PTPRD: variants seen among roughly 807,000 people sequenced by gnomAD.
PTPRD encodes protein tyrosine phosphatase receptor type D.
Under a neutral mutation model 214.5 loss-of-function variants are expected in PTPRD, and 34 were observed. The observed-to-expected ratio is 0.16, with a 90% confidence interval of 0.12 to 0.21. The LOEUF is 0.21. Among genes scored for constraint, PTPRD ranks in the 10% least tolerant of loss-of-function variants. PTPRD has a pLI of 1.00. For synonymous variants in PTPRD, 1,128 were observed against 845.7 expected (o/e 1.33, Z -5.79); for missense variants, 2,545 against 2,398.7 (o/e 1.06, Z -1.27).
At chr9:9,275,062 T>TAACC (rs1944479072) in intron 9 of PTPRD, among the ~76,000 whole-genome samples, 1 of 66,468 alleles carries the variant, frequency 1.5e-5, no homozygotes, top group African/African-American at 6.0e-5. Context: ...TATGTATATA[T>TAACC]ATATTATATA....
intron 8 of PTPRD, among the ~76,000 whole-genome samples, chr9:9,515,545 G>A (rs918347122): frequency 6.6e-6 from 1 of 151,438 alleles, no homozygotes; most frequent in African/African-American, 2.4e-5. Context: ...TGGTGGAGAT[G>A]GAAAAATTGT....
At chr9:10,024,726 C>T (rs1026361685) in intron 4 of PTPRD, among the ~76,000 whole-genome samples, 4 of 150,008 alleles carry the variant, frequency 2.7e-5, no homozygotes, top group African/African-American at 9.8e-5. Flanking sequence ...GTGTGCTGCA[C>T]CCATTAACTC....
intron 11 of PTPRD, among the ~76,000 whole-genome samples, chr9:8,906,330 A>C (rs550718421): frequency 6.6e-6 from 1 of 152,246 alleles, no homozygotes; most frequent in African/African-American, 2.4e-5. Context: ...ATTCTTTTAC[A>C]ATTAGTTTGA....
intron 11 of PTPRD, among the ~76,000 whole-genome samples, chr9:8,795,826 G>A (rs1001156448): frequency 6.6e-6 from 1 of 152,070 alleles, no homozygotes; most frequent in Non-Finnish European, 1.5e-5. Flanking sequence ...ATAAGATCTA[G>A]AGGAGAAGAT....
chr9:8,418,219 C>CTTTT lies in PTPRD; in HGVS notation c.4087-13563_4087-13560dup, dbSNP rs370640821. The stretch of plus-strand genomic sequence containing the variant: ...CTTGCTTGGAGAGCACTTTCTTATC[C>CTTTT]TTTTCTTTTTTTTTTGCTTCTAAAT... On this transcript the variant is annotated intron_variant, in intron 35 of 45. Transcript: ENST00000381196. Among the ~76,000 whole-genome samples, 416 of 150,172 alleles carry CTTTT rather than the reference C, an allele frequency of 2.8e-3. 1 individual carries two copies. The highest frequency in any genetic ancestry group is 9.5e-3 in the African/African-American group (388 of 40,932).
intron 11 of PTPRD, among the ~76,000 whole-genome samples, chr9:8,850,005 T>A (rs2097780830): frequency 6.6e-6 from 1 of 151,718 alleles, no homozygotes; most frequent in South Asian, 2.1e-4. Context: ...AGGAGGAGAA[T>A]CTACAAAATT....
At chr9:10,419,487 T>C (rs960145924) in intron 2 of PTPRD, among the ~76,000 whole-genome samples, 3 of 151,860 alleles carry the variant, frequency 2.0e-5, no homozygotes, top group Admixed American at 6.6e-5. Context: ...GAGATAAAGA[T>C]AAAACAGCAA....
rs1006396716 is a variant in PTPRD, at chr9:10,093,922, C to T, written c.-544-60132G>A. ...AATATAAAGATAGGAACAGTAGACACGGGGGACTACTAGAGCAGGGAGAGA... is the reference window on the plus strand; with the variant it reads ...AATATAAAGATAGGAACAGTAGACATGGGGGACTACTAGAGCAGGGAGAGA... On this transcript the variant is annotated intron_variant, in intron 3 of 45. Coordinates refer to ENST00000381196, the MANE Select transcript of PTPRD (RefSeq NM_002839.4). Among the ~76,000 whole-genome samples the T allele has an allele frequency of 4.6e-5, 7 of 151,306 alleles. No homozygotes were observed. The South Asian group carries it at 6.2e-4, about 13-fold the overall frequency.
At chr9:8,496,344 C>A (rs185448554) in intron 26 of PTPRD, among the ~76,000 whole-genome samples, 1 of 152,054 alleles carries the variant, frequency 6.6e-6, no homozygotes, top group South Asian at 2.1e-4. Flanking sequence ...TGACACTGTC[C>A]ACTAATTTAC....
intron 35 of PTPRD, among the ~76,000 whole-genome samples, chr9:8,435,243 C>A (rs1279787338): frequency 6.6e-6 from 1 of 152,112 alleles, no homozygotes; most frequent in African/African-American, 2.4e-5. Flanking sequence ...ATGCCACAGG[C>A]CTCACTGCTC....
At chr9:10,192,445 GAAAAAAAAAAAA>G (rs552289562) in intron 3 of PTPRD, among the ~76,000 whole-genome samples, 3 of 72,660 alleles carry the variant, frequency 4.1e-5, no homozygotes, top group South Asian at 1.2e-3. Flanking sequence ...CACGATCCAG[GAAAAAAAAAAAA>G]AAAAAAAAAA....
chr9:8,841,293 C>T (rs2097552589), intron 11 of PTPRD, among the ~76,000 whole-genome samples: 1 of 152,204 alleles, frequency 6.6e-6, no homozygotes, highest in Non-Finnish European at 1.5e-5. Flanking sequence ...TGTGGATTAA[C>T]AGGTTCAAAG....
intron 3 of PTPRD, among the ~76,000 whole-genome samples, chr9:10,095,964 G>T (rs955991102): frequency 1.3e-5 from 2 of 151,468 alleles, no homozygotes; most frequent in African/African-American, 4.8e-5. Context: ...TGACATTGCT[G>T]GGGTGAACTC....
intron 12 of PTPRD, among the ~76,000 whole-genome samples, chr9:8,651,399 T>C (rs980899614): frequency 3.3e-5 from 5 of 152,176 alleles, no homozygotes; most frequent in African/African-American, 7.2e-5. Context: ...GAACTAACTC[T>C]GTCCACACAG....
chr9:9,786,957 G>A (rs1284684410), intron 5 of PTPRD, among the ~76,000 whole-genome samples: 2 of 151,970 alleles, frequency 1.3e-5, no homozygotes, highest in African/African-American at 4.8e-5. Context: ...CCAAAAGGGC[G>A]AAACCCCATC....
chr9:10,439,695 C>A (rs1328878585), intron 2 of PTPRD, among the ~76,000 whole-genome samples: 1 of 151,696 alleles, frequency 6.6e-6, no homozygotes, highest in African/African-American at 2.4e-5. Flanking sequence ...AAGAAAGACA[C>A]AGACTGTTTG....
intron 10 of PTPRD, among the ~76,000 whole-genome samples, chr9:9,171,700 A>C (rs546445538): frequency 6.6e-6 from 1 of 152,042 alleles, no homozygotes; most frequent in Admixed American, 6.6e-5. Flanking sequence ...CTACTCTTCT[A>C]TAAGTGGCAC....
chr9:10,494,799 C>T (rs2041533202), intron 2 of PTPRD, among the ~76,000 whole-genome samples: 1 of 151,084 alleles, frequency 6.6e-6, no homozygotes, highest in East Asian at 1.9e-4. Flanking sequence ...GTTTCAGATA[C>T]TGTATATTAA....
At chr9:8,895,135 A>G (rs888261719) in intron 11 of PTPRD, among the ~76,000 whole-genome samples, 2 of 152,230 alleles carry the variant, frequency 1.3e-5, no homozygotes, top group African/African-American at 4.8e-5. Flanking sequence ...CCAATTAAAG[A>G]ACTTTGCAAC....
Sources: gnomAD v4.1 joint callset for allele counts (sites outside exome capture counted in the v4.1 genomes callset) on GRCh38, gnomAD v4.1.1 for gene constraint, MANE v1.5 for transcripts, NCBI Gene and HGNC (gene_info 2026-07-23, HGNC 2026-07-21) for gene names.